The following ZNF726 variants were observed in gnomAD, a reference collection of about 807,000 sequenced individuals.
The protein encoded by ZNF726 is zinc finger protein 92 pseudogene 3.
Under a neutral mutation model 11.6 loss-of-function variants are expected in ZNF726, and 15 were observed. That is an observed-to-expected ratio of 1.29 (90% CI 0.86 to 1.99). The LOEUF is 1.99. Ranked by LOEUF, ZNF726 falls within the 30% of genes most tolerant of loss-of-function variation. ZNF726 has a pLI of 0.00. For synonymous variants in ZNF726, 295 were observed against 243.6 expected (o/e 1.21, Z -1.96); for missense variants, 890 against 725.6 (o/e 1.23, Z -2.60).
intron 3 of ZNF726, among the ~76,000 whole-genome samples, chr19:23,932,097 G>A (rs1045913981): frequency 6.6e-6 from 1 of 152,026 alleles, no homozygotes; most frequent in Non-Finnish European, 1.5e-5. Context: ...CTTCTATGTG[G>A]TTTTTTGCAT....
chr19:23,923,566 G>A lies in ZNF726; in HGVS notation c.226+3484G>A, dbSNP rs149950827. 6.2e-4 allele frequency: 111 copies of A among 178,742 alleles called. 1 individual carries two copies. The East Asian group carries it at 0.019, about 30-fold the overall frequency. 11.1% of individuals were successfully genotyped at this position (178,742 alleles called of 1,614,324 possible). A position where few individuals can be genotyped will look rare whatever the true frequency, so the allele number is the denominator to read the frequency against. ...AGCTGGGACTATAGGTGCCGACACC[G>A]CGCTTGGCTAATTTTTTGTATTTTT... On this transcript the variant is annotated intron_variant, in intron 3 of 3. Coordinates refer to ENST00000594466, the MANE Select transcript of ZNF726 (RefSeq NM_001244038.2).
rs957287196 is a variant in ZNF726 at position 23,932,488 on chromosome 19, G to A, written c.372G>A (p.Lys124=). The A allele has an allele frequency of 2.5e-6, 4 of 1,588,626 alleles. No homozygotes were observed. Among genetic ancestry groups the A allele is most frequent in the African/African-American group, 1.4e-5 (1 of 73,606 alleles). The change falls in exon 4 of 4, where the codon AAG becomes AAA. Residue 124 remains lysine (K), a synonymous_variant. Transcript: ENST00000594466. ...GTTGTAAAAGTGTGGATGAGTGTAA[G>A]GTACACAAAGAAGGTTATAATGGAC... is the stretch of plus-strand genomic sequence containing the variant. ...RKGCKSVDEC[K]VHKEGYNGLN...
Position 23,943,493 on chromosome 19 carries a change from G to A in ZNF726, c.227-1G>A, listed in dbSNP as rs1294260695. The A allele has an allele frequency of 1.6e-6, 1 of 618,558 alleles. No individual in the cohort carries two copies. Among genetic ancestry groups the A allele is most frequent in the South Asian group, 2.0e-5 (1 of 51,162 alleles). The allele number at this position is 618,558 out of a possible 1,614,324, so 38.3% of individuals were successfully genotyped here. A position where few individuals can be genotyped will look rare whatever the true frequency, so the allele number is the denominator to read the frequency against. ...CATATTACTTTTTTCTAACAAAACAGGCCTTGCTGTCTCTAACCCTGATCT... is the reference window on the plus strand; with the variant it reads ...CATATTACTTTTTTCTAACAAAACAAGCCTTGCTGTCTCTAACCCTGATCT... On this transcript the variant is annotated splice_acceptor_variant, in intron 3 of 4. Transcript: ENST00000334589. LOFTEE classifies it high-confidence loss of function.
In ZNF726 at chr19:23,914,981, C is replaced by T; in HGVS notation, c.-14C>T. 6.2e-7 allele frequency: 1 copy of T among 1,613,734 alleles called. No homozygotes were observed. ...CCTCTGTGGCCCTGTGACCTGCCCC[C>T]TGGAAGCCTAGAAATGGTGAGAGTG... On this transcript the variant is annotated 5_prime_UTR_variant, in exon 1 of 4. Coordinates refer to ENST00000594466, the MANE Select transcript of ZNF726 (RefSeq NM_001244038.2).
intron 3 of ZNF726, among the ~76,000 whole-genome samples, chr19:23,931,965 G>A (rs544916547): frequency 6.6e-6 from 1 of 152,126 alleles, no homozygotes; most frequent in Non-Finnish European, 1.5e-5. Context: ...GATAATGAAT[G>A]TGCCAGTATT....
intron 1 of ZNF726, among the ~76,000 whole-genome samples, chr19:23,916,338 A>C (rs1388877760): frequency 2.0e-5 from 3 of 151,556 alleles, no homozygotes; most frequent in Non-Finnish European, 4.4e-5. Flanking sequence ...TTTTTTTTAA[A>C]AGTATTTGAG....
Position 23,919,519 on chromosome 19 carries a change from A to G in ZNF726, c.130+20A>G. On this transcript the variant is annotated intron_variant, in intron 2 of 3. Coordinates refer to ENST00000594466, the MANE Select transcript of ZNF726 (RefSeq NM_001244038.2). The stretch of plus-strand genomic sequence containing the variant: ...TCCTGGGTGAGGATAACTTTAATAC[A>G]AAATTTTTAATATAAACTAAAGCTT... The G allele has an allele frequency of 6.4e-7, 1 of 1,561,258 alleles. No individual in the cohort carries two copies. Among genetic ancestry groups the G allele is most frequent in the South Asian group, 1.2e-5 (1 of 82,854 alleles).
intron 3 of ZNF726, 32 bp from the exon 4 acceptor site, chr19:23,932,311 A>C: frequency 7.8e-7 from 1 of 1,286,982 alleles, no homozygotes; most frequent in Non-Finnish European, 1.0e-6. Flanking sequence ...TCAGTATAGT[A>C]AGTGGAGTAA....
intron 3 of ZNF726, among the ~76,000 whole-genome samples, chr19:23,925,755 C>T (rs1466115751): frequency 7.5e-6 from 1 of 133,434 alleles, no homozygotes; most frequent in African/African-American, 2.8e-5. Context: ...CTTGCTCTGT[C>T]ACCCAGGCTG....
At chr19:23,919,621 G>T in intron 2 of ZNF726, 122 bp downstream of exon 2, 2 of 1,285,498 alleles carry the variant, frequency 1.6e-6, no homozygotes, top group Non-Finnish European at 2.1e-6. Flanking sequence ...CTGGGGATTT[G>T]TCTGTTTAGA....
intron 3 of ZNF726, among the ~76,000 whole-genome samples, chr19:23,930,143 CT>C (rs1248838776): frequency 6.6e-6 from 1 of 152,116 alleles, no homozygotes; most frequent in Non-Finnish European, 1.5e-5. Flanking sequence ...GATGAACACC[CT>C]TACCTTTTAT....
rs942376497 is a variant in ZNF726, at chr19:23,933,240, G to C, written c.1124G>C (p.Gly375Ala). The C allele has an allele frequency of 6.2e-7, 1 of 1,613,158 alleles. No individual in the cohort carries two copies. The highest frequency in any genetic ancestry group is 8.5e-7 in the Non-Finnish European group (1 of 1,179,978). The change falls in exon 4 of 4, where the codon GGC (glycine) becomes GCC (alanine). Residue 375 changes from glycine to alanine, a missense_variant. By Grantham distance (60) the Gly-to-Ala change is moderately conservative. Transcript: ENST00000594466. ...AAACCCTACAAATGTGAAGAATGTG[G>C]CAAAGCATTTATATGGCCCTCAACC... is the stretch of plus-strand genomic sequence containing the variant. Reference protein sequence around the residue: ...GEKPYKCEECGKAFIWPSTLT... With the variant: ...GEKPYKCEECAKAFIWPSTLT...
intron 3 of ZNF726, among the ~76,000 whole-genome samples, chr19:23,926,824 A>G (rs1325575447): frequency 2.0e-5 from 3 of 152,056 alleles, no homozygotes; most frequent in Non-Finnish European, 2.9e-5. Context: ...TTGTGTCAGT[A>G]CCAAATTGTT....
At chr19:23,917,994 T>A (rs1315427076) in intron 1 of ZNF726, among the ~76,000 whole-genome samples, 1 of 152,172 alleles carries the variant, frequency 6.6e-6, no homozygotes, top group Non-Finnish European at 1.5e-5. Context: ...CTCCATTGGC[T>A]GGAGTTGGAT....
At chr19:23,919,580 A>G (rs1967792304) in intron 2 of ZNF726, 81 bp downstream of exon 2, 4 of 1,442,140 alleles carry the variant, frequency 2.8e-6, no homozygotes, top group African/African-American at 1.5e-5. Flanking sequence ...CTGGTAATTT[A>G]TGCTTTCCTA....
intron 3 of ZNF726, 83 bp downstream of exon 3, chr19:23,920,165 A>T: frequency 2.0e-6 from 2 of 994,666 alleles, no homozygotes; most frequent in Non-Finnish European, 2.9e-6. Context: ...TGATTTGGAA[A>T]GCTGCATTCC....
chr19:23,919,152 A>T, intron 1 of ZNF726: 2 of 534,140 alleles, frequency 3.7e-6, no homozygotes, highest in Non-Finnish European at 5.9e-6. Context: ...GAAAAGTATC[A>T]TATATACACT....
intron 2 of ZNF726, 153 bp downstream of exon 2, chr19:23,919,652 T>A: frequency 1.0e-6 from 1 of 994,444 alleles, no homozygotes; most frequent in Non-Finnish European, 1.4e-6. Context: ...TCAAGATGTT[T>A]CATCCTGACC....
chr19:23,918,298 A>G (rs543123670), intron 1 of ZNF726, among the ~76,000 whole-genome samples: 1 of 152,352 alleles, frequency 6.6e-6, no homozygotes, highest in Non-Finnish European at 1.5e-5. Flanking sequence ...AATTTCTTAC[A>G]GTATTCAACA....
Sources: allele counts gnomAD v4.1 joint callset (sites outside exome capture counted in the v4.1 genomes callset), GRCh38; gene constraint gnomAD v4.1.1; transcripts MANE v1.5; gene names NCBI Gene and HGNC (gene_info 2026-07-23, HGNC 2026-07-21).